Variants in MYO19 observed in about 807,000 individuals in gnomAD.
MYO19 encodes the protein unconventional myosin-XIX.
In MYO19, 132 loss-of-function variants were observed where a neutral mutation model predicts 129.2. That is an observed-to-expected ratio of 1.02 (90% CI 0.89 to 1.18). MYO19 has a LOEUF of 1.18. MYO19 is among the 50% of genes most tolerant of loss of function. The probability of loss-of-function intolerance (pLI) is 0.00; values close to 1 mark genes in which losing one functional copy is unlikely to be tolerated. For synonymous variants in MYO19, 531 were observed against 477.2 expected, an observed-to-expected ratio of 1.11 and a Z score of -1.47; for missense variants, 1,210 against 1,216.7, an observed-to-expected ratio of 0.99 and a Z score of 0.08.
intron 6 of MYO19, among the ~76,000 whole-genome samples, chr17:36,521,398 A>C (rs2073122243): frequency 6.6e-6 from 1 of 152,232 alleles, no homozygotes; most frequent in African/African-American, 2.4e-5. Flanking sequence ...CGAAGTTCCA[A>C]AGAATTGGAA....
At chr17:36,540,015 T>C (rs770766967) in intron 2 of MYO19, among the ~76,000 whole-genome samples, 4 of 151,848 alleles carry the variant, frequency 2.6e-5, no homozygotes, top group Non-Finnish European at 5.9e-5. Context: ...GCAAAAGTCC[T>C]ACGTTGGGAG....
At chr17:36,522,398 C>T (rs1457863050) in intron 6 of MYO19, among the ~76,000 whole-genome samples, 2 of 151,692 alleles carry the variant, frequency 1.3e-5, no homozygotes, top group Admixed American at 6.6e-5. Context: ...ATCCCAGCTA[C>T]TCGGGAGGAG....
At chr17:36,526,052 TCACTTACCCAC>T (rs1331071322) in intron 5 of MYO19, among the ~76,000 whole-genome samples, 1 of 152,094 alleles carries the variant, frequency 6.6e-6, no homozygotes, top group African/African-American at 2.4e-5. Context: ...CCAGCAGTGA[TCACTTACCCAC>T]AGCTTGCTGA....
intron 15 of MYO19, 120 bp from the exon 16 acceptor site, chr17:36,507,632 TA>T (rs2072009308): frequency 7.6e-7 from 1 of 1,323,512 alleles, no homozygotes; most frequent in Non-Finnish European, 1.1e-6. Context: ...GAAACAAAAG[TA>T]TATCAAAACA....
Position 36,513,465 on chromosome 17 carries a change from C to CA in MYO19, c.857dup (p.Leu286PhefsTer4), listed in dbSNP as rs1459981482. 6.2e-7 allele frequency: 1 copy of CA among 1,613,930 alleles called. No homozygotes were observed. Among genetic ancestry groups the CA allele is most frequent in the East Asian group, 2.2e-5 (1 of 44,888 alleles). On this transcript the variant is annotated frameshift_variant, in exon 11 of 26. Transcript: ENST00000614623. LOFTEE classifies it high-confidence loss of function. Reference sequence around the variant, plus strand: ...TGTTCTGGGTAGGGGTGTCAATGCCCAAATGGAGCATGGCCTCTCTGGTCA... The same window carrying CA: ...TGTTCTGGGTAGGGGTGTCAATGCCCAAAATGGAGCATGGCCTCTCTGGTCA...
At chr17:36,502,156 C>G (rs2071577647) in intron 21 of MYO19, among the ~76,000 whole-genome samples, 1 of 151,474 alleles carries the variant, frequency 6.6e-6, no homozygotes, top group African/African-American at 2.5e-5. Context: ...GAGGCGGGGC[C>G]CCCCGGCAGC....
intron 5 of MYO19, among the ~76,000 whole-genome samples, chr17:36,525,604 TTTAA>T (rs551804537): frequency 1.6e-4 from 25 of 152,236 alleles, no homozygotes; most frequent in East Asian, 3.8e-4. Flanking sequence ...CTTATCTTGC[TTTAA>T]TTGTCTTATC....
At chr17:36,535,449 C>G (rs1369254760), upstream of MYO19, 1 of 152,262 alleles carries the variant, frequency 6.6e-6, no homozygotes, top group Non-Finnish European at 1.5e-5. Context: ...TCGGCCGGCC[C>G]GGAAGTGCCA....
intron 6 of MYO19, among the ~76,000 whole-genome samples, chr17:36,521,543 T>G (rs1231785275): frequency 2.6e-5 from 4 of 152,120 alleles, no homozygotes; most frequent in Non-Finnish European, 5.9e-5. Context: ...AGGAAATTAT[T>G]AGATATAACA....
chr17:36,505,876 T>TC (rs1269848837), intron 18 of MYO19, among the ~76,000 whole-genome samples: 23 of 152,290 alleles, frequency 1.5e-4, no homozygotes, highest in African/African-American at 5.3e-4. Flanking sequence ...CTCGGGGGTG[T>TC]GTTTGAGGCT....
At chr17:36,513,403 T>G in intron 11 of MYO19, 26 bp downstream of exon 11, 1 of 1,614,014 alleles carries the variant, frequency 6.2e-7, no homozygotes, top group Non-Finnish European at 8.5e-7. Context: ...TCTGCCAAAC[T>G]TAAGTGGCGT....
chr17:36,512,403 A>AG (rs1471168211), intron 11 of MYO19, among the ~76,000 whole-genome samples: 1 of 151,618 alleles, frequency 6.6e-6, no homozygotes, highest in African/African-American at 2.4e-5. Context: ...AAAAAAAAAA[A>AG]AAAAGAAAAA....
chr17:36,528,348 A>C (rs2073616324), intron 3 of MYO19, 146 bp from the exon 4 acceptor site: 1 of 798,984 alleles, frequency 1.3e-6, no homozygotes, highest in South Asian at 2.0e-5. Flanking sequence ...CTCTACTAAA[A>C]AAAATTCAAA....
chr17:36,503,701 G>A (rs2071688514), intron 20 of MYO19, among the ~76,000 whole-genome samples: 1 of 152,256 alleles, frequency 6.6e-6, no homozygotes, highest in African/African-American at 2.4e-5. Context: ...TCCTGAGTCT[G>A]GCTTCTGTCC....
At position 36,496,395 on chromosome 17, in the gene MYO19, C is replaced by CT. The variant is rs753665430; in HGVS notation, c.2768dup (p.Phe924ValfsTer12). The CT allele has an allele frequency of 6.2e-6, 10 of 1,613,864 alleles. No homozygotes were observed. Among genetic ancestry groups the CT allele is most frequent in the Admixed American group, 1.7e-5 (1 of 60,002 alleles). On this transcript the variant is annotated frameshift_variant, in exon 26 of 26. Transcript: ENST00000614623. LOFTEE classifies it high-confidence loss of function. ...GCAGTGGAGACTTTCTGCAGTGAAA[C>CT]TTTATCGATCCCTAGAGGGGAGAGA... is the stretch of plus-strand genomic sequence containing the variant.
At chr17:36,503,057 C>T (rs1389794666) in intron 21 of MYO19, 40 bp downstream of exon 21, 14 of 1,526,256 alleles carry the variant, frequency 9.2e-6, no homozygotes, top group Non-Finnish European at 1.2e-5. Context: ...GCTCAGTAAA[C>T]TGTGGTTGCA....
At chr17:36,522,497 C>T (rs561095384) in intron 6 of MYO19, among the ~76,000 whole-genome samples, 27 of 150,024 alleles carry the variant, frequency 1.8e-4, no homozygotes, top group Non-Finnish European at 3.4e-4. Flanking sequence ...GGCGACAGTG[C>T]GAGACTTGGT....
chr17:36,543,205 G>A (rs777040892), exon 1 of MYO19: 1 of 152,014 alleles, frequency 6.6e-6, no homozygotes, highest in Non-Finnish European at 1.5e-5. Flanking sequence ...GCCCAGGCCG[G>A]AGCACAATGG....
At position 36,496,306 on chromosome 17, in the gene MYO19, A is replaced by G. The variant is rs1242890298; in HGVS notation, c.2858T>C (p.Leu953Pro). The stretch of plus-strand genomic sequence containing the variant: ...CACGTGGATCAGCCTGTGTCTTTCC[A>G]GCAGAATCTGATTAAAGCCTGTAAT... ...YSITGFNQIL[L>P]ERHRLIHVTS... The change falls in exon 26 of 26, where the codon CTG becomes CCG. Residue 953 changes from leucine to proline, a missense_variant. Leu to Pro is a moderately conservative substitution (Grantham distance 98). Coordinates refer to ENST00000614623, the MANE Select transcript of MYO19 (RefSeq NM_001163735.2). The G allele has an allele frequency of 1.2e-6, 2 of 1,613,940 alleles. No homozygotes were observed. Among genetic ancestry groups the G allele is most frequent in the African/African-American group, 1.3e-5 (1 of 74,938 alleles).
Sources: allele counts gnomAD v4.1 joint callset (sites outside exome capture counted in the v4.1 genomes callset), GRCh38; gene constraint gnomAD v4.1.1; transcripts MANE v1.5; gene names NCBI Gene and HGNC (gene_info 2026-07-23, HGNC 2026-07-21).